Variants in VAV3 observed in about 807,000 individuals in gnomAD.
VAV3 encodes guanine nucleotide exchange factor VAV3.
A neutral mutation model predicts 131.2 loss-of-function variants in VAV3; 94 were observed. The ratio of observed to expected loss-of-function variants is 0.72; its 90% CI spans 0.61 to 0.85. VAV3 has a LOEUF of 0.85. Among genes scored for constraint, VAV3 ranks in the 40% least tolerant of loss-of-function variants. The pLI is 0.00. For missense variants in VAV3, 939 were observed against 1,002.7 expected (o/e 0.94, Z 0.86); for synonymous variants, 349 against 342.0 (o/e 1.02, Z -0.22).
intron 19 of VAV3, among the ~76,000 whole-genome samples, chr1:107,675,597 T>C (rs1325005089): frequency 6.6e-6 from 1 of 152,160 alleles, no homozygotes; most frequent in Non-Finnish European, 1.5e-5. Context: ...GTGAAGCAGG[T>C]AGTGGCTTAA....
chr1:107,639,094 T>C (rs1242678052), intron 20 of VAV3, among the ~76,000 whole-genome samples: 1 of 151,924 alleles, frequency 6.6e-6, no homozygotes, highest in Non-Finnish European at 1.5e-5. Flanking sequence ...GGAGAAATAA[T>C]TGCGTTTTCA....
intron 25 of VAV3, among the ~76,000 whole-genome samples, chr1:107,588,232 T>C (rs962540729): frequency 6.6e-6 from 1 of 152,166 alleles, no homozygotes; most frequent in African/African-American, 2.4e-5. Flanking sequence ...GATCAGTTGT[T>C]CAAGAACTGT....
intron 1 of VAV3, among the ~76,000 whole-genome samples, chr1:107,875,774 G>A (rs1670466476): frequency 6.6e-6 from 1 of 152,192 alleles, no homozygotes; most frequent in Non-Finnish European, 1.5e-5. Flanking sequence ...CCGGAGCTAG[G>A]GTGGAGGCAG....
intron 12 of VAV3, 40 bp downstream of exon 12, chr1:107,755,387 T>TG: frequency 7.2e-7 from 1 of 1,396,538 alleles, no homozygotes. Flanking sequence ...GTCGTTGATG[T>TG]GGGGGTGAGG....
intron 22 of VAV3, among the ~76,000 whole-genome samples, chr1:107,604,431 C>T (rs1324163129): frequency 6.6e-6 from 1 of 152,110 alleles, no homozygotes; most frequent in Non-Finnish European, 1.5e-5. Context: ...ACTACTAGGA[C>T]CTAGTATAAT....
intron 1 of VAV3, among the ~76,000 whole-genome samples, chr1:107,897,567 A>G (rs1338353961): frequency 1.3e-5 from 2 of 152,008 alleles, no homozygotes; most frequent in Non-Finnish European, 2.9e-5. Context: ...TTTAGTCAAG[A>G]AGGCTTTAGC....
At chr1:107,883,511 T>C (rs1408885211) in intron 1 of VAV3, among the ~76,000 whole-genome samples, 2 of 152,258 alleles carry the variant, frequency 1.3e-5, no homozygotes, top group Admixed American at 1.3e-4. Context: ...AATTTTACAT[T>C]AAATTGTCAT....
At position 107,704,543 on chromosome 1, in the gene VAV3, G is replaced by A; in HGVS notation, c.1705+7C>T. On this transcript the variant is annotated splice_region_variant and intron_variant, in intron 17 of 26. Coordinates refer to ENST00000370056, the MANE Select transcript of VAV3 (RefSeq NM_006113.5). ...AAAACAGAATTGCAACAATAAACAT[G>A]ACTTACCACCAGAATTAACTCTGCC... 6.2e-7 allele frequency: 1 copy of A among 1,608,244 alleles called. No individual in the cohort carries two copies. Among genetic ancestry groups the A allele is most frequent in the Non-Finnish European group, 8.5e-7 (1 of 1,175,578 alleles).
chr1:107,935,305 C>T (rs1319891369), intron 1 of VAV3, among the ~76,000 whole-genome samples: 1 of 152,086 alleles, frequency 6.6e-6, no homozygotes, highest in African/African-American at 2.4e-5. Flanking sequence ...CTAAGATAAA[C>T]CTCTAGAAAG....
rs1039758137 is a variant in VAV3, at chr1:107,757,176, T to G, written c.1086+85A>C. ...ATATGTGTGTGTGTGTGTGTGTGTG[T>G]GTGTGTGTGTGTATGCAATTTGAAT... On this transcript the variant is annotated intron_variant, in intron 11 of 26. Transcript: ENST00000370056. The G allele has an allele frequency of 1.8e-5, 15 of 830,100 alleles. No homozygotes were observed. In the African/African-American group the frequency reaches 2.5e-4, roughly 14 times the overall value. The allele number at this position is 830,100 out of a possible 1,614,324, so 51.4% of individuals were successfully genotyped here.
intron 2 of VAV3, among the ~76,000 whole-genome samples, chr1:107,827,815 C>A (rs1221700170): frequency 6.6e-6 from 1 of 152,056 alleles, no homozygotes; most frequent in African/African-American, 2.4e-5. Context: ...AATAAAGGAC[C>A]TTATGAGAAG....
intron 2 of VAV3, among the ~76,000 whole-genome samples, chr1:107,836,048 A>C (rs1668465087): frequency 6.6e-6 from 1 of 152,242 alleles, no homozygotes; most frequent in Non-Finnish European, 1.5e-5. Flanking sequence ...AAGTTTTTAG[A>C]GACCCACGAA....
chr1:107,936,840 A>G (rs1041173383), intron 1 of VAV3, among the ~76,000 whole-genome samples: 2 of 152,200 alleles, frequency 1.3e-5, no homozygotes, highest in Non-Finnish European at 2.9e-5. Context: ...CGCAAACCAC[A>G]GAAAAGATAC....
chr1:107,927,285 A>G (rs1673202060), intron 1 of VAV3, among the ~76,000 whole-genome samples: 1 of 152,090 alleles, frequency 6.6e-6, no homozygotes, highest in South Asian at 2.1e-4. Context: ...CTGAATAACC[A>G]TTATCAATAC....
intron 1 of VAV3, among the ~76,000 whole-genome samples, chr1:107,917,289 TAC>T (rs1301628056): frequency 6.6e-6 from 1 of 151,998 alleles, no homozygotes; most frequent in Admixed American, 6.6e-5. Flanking sequence ...CACTGGAAAT[TAC>T]AGACAGCTCA....
chr1:107,625,945 A>C (rs913661464), intron 20 of VAV3, among the ~76,000 whole-genome samples: 6 of 152,190 alleles, frequency 3.9e-5, no homozygotes, highest in Non-Finnish European at 8.8e-5. Context: ...ATAGTAATAA[A>C]ATAATGGAAG....
chr1:107,667,366 CT>C (rs1657482068), intron 19 of VAV3, among the ~76,000 whole-genome samples: 1 of 152,186 alleles, frequency 6.6e-6, no homozygotes, highest in Non-Finnish European at 1.5e-5. Flanking sequence ...GCAATGCTAA[CT>C]ACAAAACTAA....
At chr1:107,728,650 T>TATATGTATATGTATATGC (rs1662026005) in intron 15 of VAV3, among the ~76,000 whole-genome samples, 1 of 149,170 alleles carries the variant, frequency 6.7e-6, no homozygotes, top group African/African-American at 2.5e-5. Context: ...TATGTATATG[T>TATATGTATATGTATATGC]ATTGTGTAAA....
intron 19 of VAV3, among the ~76,000 whole-genome samples, chr1:107,652,074 C>A (rs145357106): frequency 3.3e-5 from 5 of 152,100 alleles, no homozygotes; most frequent in African/African-American, 1.2e-4. Context: ...CACTCCCAGA[C>A]GGTTAAGGCA....
Sources: gnomAD v4.1 joint callset for allele counts (sites outside exome capture counted in the v4.1 genomes callset) on GRCh38, gnomAD v4.1.1 for gene constraint, MANE v1.5 for transcripts, NCBI Gene and HGNC (gene_info 2026-07-23, HGNC 2026-07-21) for gene names.